PIP5K1B: variants seen among roughly 807,000 people sequenced by gnomAD.
PIP5K1B encodes phosphatidylinositol-4-phosphate 5-kinase type 1 beta.
In PIP5K1B, 42 loss-of-function variants were observed where a neutral mutation model predicts 67.0. The ratio of observed to expected loss-of-function variants is 0.63; its 90% CI spans 0.49 to 0.81. The LOEUF is 0.81. Ranked by LOEUF, PIP5K1B falls within the 30% of genes least tolerant of loss-of-function variation. PIP5K1B has a pLI of 0.00. For missense variants in PIP5K1B, 459 were observed against 646.3 expected (o/e 0.71, Z 3.14); for synonymous variants, 214 against 231.4 (o/e 0.92, Z 0.68).
In PIP5K1B at chr9:68,967,860, T is replaced by C. The variant is rs539301936; in HGVS notation, c.1503-23280T>C. ...TCTCTGAGAGTATGATGAGCCTACA[T>C]TGATGAGTCAAAGGCTCACCCCCAT... On this transcript the variant is annotated intron_variant, in intron 14 of 15. Transcript: ENST00000265382. Among the ~76,000 whole-genome samples, 7 of 152,198 alleles carry C rather than the reference T, an allele frequency of 4.6e-5. No individual in the cohort carries two copies. In the East Asian group the frequency reaches 1.4e-3, roughly 30 times the overall value.
intron 14 of PIP5K1B, among the ~76,000 whole-genome samples, chr9:68,977,606 G>A (rs77993402): frequency 0.022 from 3,293 of 151,774 alleles, 119 homozygotes; most frequent in East Asian, 0.13. Flanking sequence ...TATTTTGGTG[G>A]CGTATTTTTT....
At chr9:68,792,358 A>G (rs757722653) in intron 2 of PIP5K1B, among the ~76,000 whole-genome samples, 4 of 152,218 alleles carry the variant, frequency 2.6e-5, no homozygotes, top group Non-Finnish European at 5.9e-5. Flanking sequence ...TATTGAGTTC[A>G]TGATATTTGC....
intron 15 of PIP5K1B, among the ~76,000 whole-genome samples, chr9:68,991,982 G>C (rs560376058): frequency 1.3e-5 from 2 of 151,950 alleles, no homozygotes; most frequent in African/African-American, 4.8e-5. Context: ...TTTTTTGGGG[G>C]GGGGCAGAGT....
intron 4 of PIP5K1B, chr9:68,843,182 A>G (rs1342055032): frequency 6.6e-6 from 1 of 152,236 alleles, no homozygotes; most frequent in Non-Finnish European, 1.5e-5. Context: ...TCCATTCTTT[A>G]CACAAGCAGC....
At chr9:68,869,144 A>G (rs985127597) in intron 5 of PIP5K1B, among the ~76,000 whole-genome samples, 2 of 152,184 alleles carry the variant, frequency 1.3e-5, no homozygotes, top group African/African-American at 4.8e-5. Context: ...GGGATTCCCA[A>G]TCCCTGGGCT....
At chr9:68,735,121 T>A (rs571002472) in intron 1 of PIP5K1B, among the ~76,000 whole-genome samples, 13 of 152,290 alleles carry the variant, frequency 8.5e-5, no homozygotes, top group Admixed American at 7.2e-4. Context: ...AAGTTTTTTT[T>A]AACAAACTTT....
chr9:68,754,351 A>G (rs1045462271), intron 2 of PIP5K1B, among the ~76,000 whole-genome samples: 12 of 151,272 alleles, frequency 7.9e-5, no homozygotes, highest in African/African-American at 2.9e-4. Flanking sequence ...TTGTATTTTT[A>G]GTAGAGACGG....
intron 5 of PIP5K1B, among the ~76,000 whole-genome samples, chr9:68,873,674 T>C (rs1053900450): frequency 6.6e-6 from 1 of 152,200 alleles, no homozygotes; most frequent in Non-Finnish European, 1.5e-5. Flanking sequence ...CAGGGCTGTT[T>C]CCTATATAGT....
chr9:68,929,295 G>A (rs1453179435), intron 12 of PIP5K1B, among the ~76,000 whole-genome samples: 1 of 151,910 alleles, frequency 6.6e-6, no homozygotes, highest in Non-Finnish European at 1.5e-5. Context: ...TGTATACTGG[G>A]TCCGATCTTC....
At chr9:68,923,214 A>G in intron 11 of PIP5K1B, 88 bp from the exon 12 acceptor site, 1 of 790,620 alleles carries the variant, frequency 1.3e-6, no homozygotes, top group Non-Finnish European at 2.2e-6. Flanking sequence ...AATGTTGGCT[A>G]ACAGAGAACC....
At chr9:68,724,240 T>G (rs1208374115) in intron 1 of PIP5K1B, among the ~76,000 whole-genome samples, 4 of 15,488 alleles carry the variant, frequency 2.6e-4, no homozygotes, top group South Asian at 4.8e-3. Context: ...TTTTTGGGTT[T>G]TTTTTTTTTT....
At chr9:68,827,856 C>CAGGCGCAG (rs758065209) in intron 4 of PIP5K1B, among the ~76,000 whole-genome samples, 8 of 152,244 alleles carry the variant, frequency 5.3e-5, no homozygotes, top group Admixed American at 2.6e-4. Flanking sequence ...GCGCAGGGCA[C>CAGGCGCAG]GAGTTTACTT....
chr9:68,909,609 G>T (rs1454182601), intron 8 of PIP5K1B, among the ~76,000 whole-genome samples: 1 of 152,078 alleles, frequency 6.6e-6, no homozygotes, highest in Middle Eastern at 3.2e-3. Context: ...GAAGATATTG[G>T]TTTGTTTATC....
At chr9:68,882,999 C>A (rs1196206953) in intron 6 of PIP5K1B, among the ~76,000 whole-genome samples, 1 of 152,182 alleles carries the variant, frequency 6.6e-6, no homozygotes, top group Non-Finnish European at 1.5e-5. Context: ...AGGCCGTGTG[C>A]TTCTCTCACC....
chr9:69,004,464 A>T (rs1254705622), intron 15 of PIP5K1B, among the ~76,000 whole-genome samples: 1 of 152,070 alleles, frequency 6.6e-6, no homozygotes, highest in Admixed American at 6.6e-5. Context: ...AGAGGGAGGA[A>T]CTTCACCACA....
intron 6 of PIP5K1B, among the ~76,000 whole-genome samples, chr9:68,883,194 A>C (rs1824284258): frequency 6.6e-6 from 1 of 152,232 alleles, no homozygotes; most frequent in Non-Finnish European, 1.5e-5. Context: ...CATAACTAGC[A>C]ACTGATACAA....
intron 5 of PIP5K1B, among the ~76,000 whole-genome samples, chr9:68,872,238 C>G (rs994611349): frequency 6.6e-6 from 1 of 152,212 alleles, no homozygotes. Flanking sequence ...AGCGTGGGGC[C>G]TCAGAGAACC....
At chr9:68,755,905 T>G (rs1213933962) in intron 2 of PIP5K1B, among the ~76,000 whole-genome samples, 1 of 152,236 alleles carries the variant, frequency 6.6e-6, no homozygotes, top group African/African-American at 2.4e-5. Context: ...TAGATCATCC[T>G]GCCTGACCTC....
intron 12 of PIP5K1B, among the ~76,000 whole-genome samples, chr9:68,930,246 A>G (rs890823575): frequency 1.3e-5 from 2 of 152,012 alleles, no homozygotes; most frequent in African/African-American, 4.8e-5. Flanking sequence ...TGTACTTGCA[A>G]CTTACTCCCC....
Sources: allele counts gnomAD v4.1 joint callset (sites outside exome capture counted in the v4.1 genomes callset), GRCh38; gene constraint gnomAD v4.1.1; transcripts MANE v1.5; gene names NCBI Gene and HGNC (gene_info 2026-07-23, HGNC 2026-07-21).